DIO1: variants seen among roughly 807,000 people sequenced by gnomAD.
DIO1 encodes the protein type I iodothyronine deiodinase.
A neutral mutation model predicts 25.9 loss-of-function variants in DIO1; 17 were observed. That is an observed-to-expected ratio of 0.66 (90% CI 0.45 to 0.98). DIO1 has a LOEUF of 0.98. DIO1 is among the 50% of genes least tolerant of loss of function. The probability of loss-of-function intolerance (pLI) is 0.00; values close to 1 mark genes in which losing one functional copy is unlikely to be tolerated. For synonymous variants in DIO1, 115 were observed against 114.0 expected, an observed-to-expected ratio of 1.01 and a Z score of -0.05; for missense variants, 270 against 310.4, an observed-to-expected ratio of 0.87 and a Z score of 0.98.
At chr1:53,898,939 T>C (rs1651221128) in intron 1 of DIO1, among the ~76,000 whole-genome samples, 1 of 152,098 alleles carries the variant, frequency 6.6e-6, no homozygotes, top group African/African-American at 2.4e-5. Context: ...GGTGAATGAC[T>C]CGCTTAGAGT....
chr1:53,905,450 C>T (rs1349445175), intron 2 of DIO1, among the ~76,000 whole-genome samples: 1 of 152,158 alleles, frequency 6.6e-6, no homozygotes, highest in Non-Finnish European at 1.5e-5. Flanking sequence ...GCTGGAATTA[C>T]AGTCGTGAGC....
In DIO1 at chr1:53,906,659, TTTC is replaced by T. The variant is rs376115974; in HGVS notation, c.681+368_681+370del. 5.8e-3 allele frequency among the ~76,000 whole-genome samples: 856 copies of T among 148,850 alleles called. 4 individuals carry two copies. The highest frequency in any genetic ancestry group is 0.02 in the African/African-American group (805 of 39,812). ...GTTCTCTGTTTTTTGGGTTTCTTTCTTTCTTTTTTTTTTTTGAGACAGACTCTC... is the reference window on the plus strand; with the variant it reads ...GTTCTCTGTTTTTTGGGTTTCTTTCTTTTTTTTTTTTTGAGACAGACTCTC... On this transcript the variant is annotated intron_variant, in intron 3 of 3. Coordinates refer to ENST00000361921, the MANE Select transcript of DIO1 (RefSeq NM_000792.7).
intron 3 of DIO1, among the ~76,000 whole-genome samples, chr1:53,907,341 G>A (rs1651705822): frequency 6.6e-6 from 1 of 152,180 alleles, no homozygotes; most frequent in Admixed American, 6.5e-5. Context: ...AGCTATTGAA[G>A]GGATTTCAAG....
At chr1:53,902,655 G>C (rs1457598968) in intron 1 of DIO1, among the ~76,000 whole-genome samples, 1 of 151,704 alleles carries the variant, frequency 6.6e-6, no homozygotes, top group Non-Finnish European at 1.5e-5. Flanking sequence ...GTCAGCTCTG[G>C]CCGTAAGAAA....
At chr1:53,899,401 G>A (rs1651243614) in intron 1 of DIO1, among the ~76,000 whole-genome samples, 1 of 152,154 alleles carries the variant, frequency 6.6e-6, no homozygotes, top group Non-Finnish European at 1.5e-5. Context: ...TTCTCGAAAT[G>A]GTGTTCTCTG....
At chr1:53,906,483 T>C (rs1651662071) in intron 3 of DIO1, among the ~76,000 whole-genome samples, 189 bp downstream of exon 3, 1 of 152,198 alleles carries the variant, frequency 6.6e-6, no homozygotes, top group South Asian at 2.1e-4. Flanking sequence ...AAAATGGGAA[T>C]GTTGGTCTCC....
At position 53,906,293 on chromosome 1, in the gene DIO1, A is replaced by G; in HGVS notation, c.680A>G (p.Lys227Arg). The G allele has an allele frequency of 6.2e-7, 1 of 1,610,472 alleles. No individual in the cohort carries two copies. Among genetic ancestry groups the G allele is most frequent in the Non-Finnish European group, 8.5e-7 (1 of 1,178,018 alleles). ...YIIQEGRILY[K>R]GKSGPWNYNP... ...ATCCAGGAGGGCAGGATCCTCTACA[A>G]GGTGGTGACCTGGGGACAGGGGGCC... The change falls in exon 3 of 4, where the codon AAG (lysine) becomes AGG (arginine). Residue 227 changes from lysine (K) to arginine (R), a missense_variant and splice_region_variant. By Grantham distance (26) the Lys-to-Arg change is conservative. Transcript: ENST00000361921.
At chr1:53,895,309 G>C (rs1651016257) in intron 1 of DIO1, among the ~76,000 whole-genome samples, 2 of 152,164 alleles carry the variant, frequency 1.3e-5, no homozygotes. Context: ...TGTAATCCCA[G>C]CTACTCGGGA....
chr1:53,897,679 C>T (rs1037305192), intron 1 of DIO1, among the ~76,000 whole-genome samples: 1 of 151,818 alleles, frequency 6.6e-6, no homozygotes, highest in African/African-American at 2.4e-5. Context: ...GAGTGGAACC[C>T]TGTCTCTACA....
At chr1:53,909,858 C>T (rs1651857200) in intron 3 of DIO1, 73 bp from the exon 4 acceptor site, 1 of 1,476,242 alleles carries the variant, frequency 6.8e-7, no homozygotes, top group Non-Finnish European at 9.5e-7. Flanking sequence ...TGCAACTAAC[C>T]TCCAGACCTA....
At chr1:53,897,757 TG>T (rs544672971) in intron 1 of DIO1, among the ~76,000 whole-genome samples, 3 of 151,878 alleles carry the variant, frequency 2.0e-5, no homozygotes, top group African/African-American at 4.8e-5. Flanking sequence ...GAGGCTGAGT[TG>T]GGGGGGTCAC....
At chr1:53,906,346 G>C in intron 3 of DIO1, 52 bp downstream of exon 3, 1 of 1,512,882 alleles carries the variant, frequency 6.6e-7, no homozygotes, top group Non-Finnish European at 9.0e-7. Context: ...CCCAGGGAGG[G>C]CAAGGGCAAA....
At position 53,894,312 on chromosome 1, in the gene DIO1, A is replaced by T. The variant is rs1430566779; in HGVS notation, c.102A>T (p.Pro34=). Residue 34 remains proline, a synonymous_variant, in exon 1 of 4, where the codon CCA becomes CCT. Transcript: ENST00000361921. This position sits in a 1 kb window ranked among gnomAD's most constrained non-coding sequence, Gnocchi z 4.9. ...VVGKVLLILF[P]DRVKRNILAM... is the part of the protein sequence containing the mutation. ...GTAAAGTGCTTCTGATATTGTTTCC[A>T]GACAGAGTCAAGCGGAACATCCTGG... 3.1e-6 allele frequency: 5 copies of T among 1,614,230 alleles called. No individual in the cohort carries two copies. The South Asian group carries it at 5.5e-5, about 18-fold the overall frequency.
chr1:53,898,324 GCAT>G (rs1448247391), intron 1 of DIO1, among the ~76,000 whole-genome samples: 1 of 152,194 alleles, frequency 6.6e-6, no homozygotes, highest in East Asian at 1.9e-4. Context: ...GAGGCTGAAG[GCAT>G]CATCAGGAAC....
rs1380646481 is a variant in DIO1, at chr1:53,906,114, C to T, written c.501C>T (p.Asn167=). The stretch of plus-strand genomic sequence containing the variant: ...TTGTAGATGGCTGGGCTTTTAAGAA[C>T]AACATGGACATCAGAAATCACCAGA... ...AHASDGWAFK[N]NMDIRNHQNL... Residue 167 remains asparagine, a synonymous_variant, in exon 3 of 4, where the codon AAC becomes AAT. Coordinates refer to ENST00000361921, the MANE Select transcript of DIO1 (RefSeq NM_000792.7). 1 of 1,614,206 alleles carries T rather than the reference C, an allele frequency of 6.2e-7. No individual in the cohort carries two copies.
At position 53,894,229 on chromosome 1, in the gene DIO1, G is replaced by C; in HGVS notation, c.19G>C (p.Gly7Arg). The change falls in exon 1 of 4, where the codon GGG becomes CGG. Residue 7 changes from glycine to arginine, a missense_variant. Physicochemically the swap from Gly to Arg is moderately radical, Grantham distance 125. Transcript: ENST00000361921. The surrounding 1 kb of genome is among the most constrained non-coding windows in gnomAD (Gnocchi z 4.9). MGLPQP[G>R]LWLKRLWVLL... Reference sequence around the variant, plus strand: ...TGCCGAGATGGGGCTGCCCCAGCCAGGGCTGTGGCTGAAGAGGCTCTGGGT... The same window carrying C: ...TGCCGAGATGGGGCTGCCCCAGCCACGGCTGTGGCTGAAGAGGCTCTGGGT... 2 of 1,613,850 alleles carry C rather than the reference G, an allele frequency of 1.2e-6. No homozygotes were observed. Among genetic ancestry groups the C allele is most frequent in the Non-Finnish European group, 1.7e-6 (2 of 1,179,752 alleles).
chr1:53,896,428 G>T (rs140656223), intron 1 of DIO1, among the ~76,000 whole-genome samples: 45 of 152,108 alleles, frequency 3.0e-4, no homozygotes, highest in African/African-American at 1.0e-3. Flanking sequence ...ATGTTGCCCA[G>T]GCTGGTCTCG....
In DIO1 at chr1:53,900,982, CTTTTTTTTTT is replaced by C. The variant is rs71063891; in HGVS notation, c.338-3664_338-3655del. Among the ~76,000 whole-genome samples, 211 of 72,074 alleles carry C rather than the reference CTTTTTTTTTT, an allele frequency of 2.9e-3. 1 individual carries two copies. Among genetic ancestry groups the C allele is most frequent in the African/African-American group, 9.9e-3 (176 of 17,732 alleles). 47.3% of individuals were successfully genotyped at this position (72,074 alleles called of 152,430 possible). ...GGCACACCCTACCAGGGCCAGCTAA[CTTTTTTTTTT>C]TTTTTTTTTTTTTTTTTTTCAGAGA... On this transcript the variant is annotated intron_variant, in intron 1 of 3. Coordinates refer to ENST00000361921, the MANE Select transcript of DIO1 (RefSeq NM_000792.7).
At chr1:53,902,516 T>C (rs985752454) in intron 1 of DIO1, among the ~76,000 whole-genome samples, 5 of 151,678 alleles carry the variant, frequency 3.3e-5, no homozygotes, top group African/African-American at 1.2e-4. Context: ...CGAGGATGAA[T>C]GAGGAACAGG....
Sources: gnomAD v4.1 joint callset for allele counts (sites outside exome capture counted in the v4.1 genomes callset) on GRCh38, gnomAD v4.1.1 for gene constraint, Gnocchi (gnomAD v3.1) non-coding constraint, MANE v1.5 for transcripts, NCBI Gene and HGNC (gene_info 2026-07-23, HGNC 2026-07-21) for gene names.